Variants in GRID2 observed in about 807,000 individuals in gnomAD.
The protein encoded by GRID2 is glutamate receptor ionotropic, delta-2.
In GRID2, 33 loss-of-function variants were observed where a neutral mutation model predicts 114.8. That is an observed-to-expected ratio of 0.29 (90% CI 0.22 to 0.38). The LOEUF is 0.38. GRID2 is among the 10% of genes least tolerant of loss of function. GRID2 has a pLI of 1.00. For missense variants in GRID2, 1,184 were observed against 1,257.7 expected (o/e 0.94, Z 0.89); for synonymous variants, 505 against 449.9 (o/e 1.12, Z -1.55).
At chr4:92,428,581 T>C (rs1472719712) in intron 1 of GRID2, among the ~76,000 whole-genome samples, 3 of 152,124 alleles carry the variant, frequency 2.0e-5, no homozygotes, top group African/African-American at 7.2e-5. Context: ...TTCTTTTTAT[T>C]GAACATTTTG....
At chr4:92,921,811 G>A (rs1418545423) in intron 2 of GRID2, among the ~76,000 whole-genome samples, 1 of 152,212 alleles carries the variant, frequency 6.6e-6, no homozygotes, top group African/African-American at 2.4e-5. Context: ...CACTTGAGGA[G>A]GCAGTCTGTC....
chr4:92,846,131 T>A (rs544271443), intron 2 of GRID2, among the ~76,000 whole-genome samples: 1 of 152,248 alleles, frequency 6.6e-6, no homozygotes, highest in East Asian at 1.9e-4. Flanking sequence ...TTCCCTGGGA[T>A]GATGTGTCTA....
chr4:92,569,083 G>A (rs113238713), intron 1 of GRID2, among the ~76,000 whole-genome samples: 4,284 of 151,862 alleles, frequency 0.028, 181 homozygotes, highest in African/African-American at 0.089. Flanking sequence ...CAGGTGTTAA[G>A]CCAACATCCA....
chr4:93,030,371 C>A (rs1230809034), intron 2 of GRID2, among the ~76,000 whole-genome samples: 1 of 151,208 alleles, frequency 6.6e-6, no homozygotes. Context: ...GGTTGATGCT[C>A]GTAGAGCTGC....
At chr4:93,312,929 A>T (rs1368247653) in intron 8 of GRID2, among the ~76,000 whole-genome samples, 1 of 152,208 alleles carries the variant, frequency 6.6e-6, no homozygotes, top group Admixed American at 6.5e-5. Flanking sequence ...TATGCCAAAG[A>T]CAAATGCTCA....
chr4:93,415,190 T>A (rs1767583342), intron 9 of GRID2, among the ~76,000 whole-genome samples: 1 of 152,226 alleles, frequency 6.6e-6, no homozygotes, highest in Middle Eastern at 3.4e-3. Context: ...CTTCTCTCAT[T>A]TGGTACAGCC....
At chr4:92,868,650 T>C (rs1745069299) in intron 2 of GRID2, among the ~76,000 whole-genome samples, 1 of 152,120 alleles carries the variant, frequency 6.6e-6, no homozygotes, top group Non-Finnish European at 1.5e-5. Flanking sequence ...TTATGTCTTT[T>C]GATAAATTGT....
chr4:92,510,543 G>A (rs1209304297), intron 1 of GRID2, among the ~76,000 whole-genome samples: 1 of 151,798 alleles, frequency 6.6e-6, no homozygotes, highest in Non-Finnish European at 1.5e-5. Flanking sequence ...CTCTAGGGAA[G>A]TTCAAAGTTA....
chr4:92,834,936 G>A (rs75605534), intron 2 of GRID2, among the ~76,000 whole-genome samples: 6,033 of 152,060 alleles, frequency 0.04, 181 homozygotes, highest in East Asian at 0.12. Flanking sequence ...CTGTTACTTC[G>A]CCTTGGAAAT....
At chr4:92,367,692 T>C (rs577947213) in intron 1 of GRID2, among the ~76,000 whole-genome samples, 1 of 152,146 alleles carries the variant, frequency 6.6e-6, no homozygotes, top group African/African-American at 2.4e-5. Flanking sequence ...AAGTTGGAAG[T>C]CATTTAAAGA....
At chr4:92,965,409 T>C (rs1194787010) in intron 2 of GRID2, among the ~76,000 whole-genome samples, 1 of 118,280 alleles carries the variant, frequency 8.5e-6, no homozygotes, top group Non-Finnish European at 1.7e-5. Context: ...ATTGTGCAAA[T>C]AGACTTGTTT....
intron 1 of GRID2, among the ~76,000 whole-genome samples, chr4:92,510,760 G>T (rs1057003466): frequency 1.3e-5 from 2 of 151,248 alleles, no homozygotes; most frequent in East Asian, 3.9e-4. Context: ...TGAGGTAATG[G>T]ATACCCGGAT....
intron 2 of GRID2, among the ~76,000 whole-genome samples, chr4:92,758,162 T>C (rs1213760831): frequency 6.6e-6 from 1 of 152,110 alleles, no homozygotes; most frequent in East Asian, 1.9e-4. Flanking sequence ...GTCTGTTCTC[T>C]TTTGCTTGTT....
chr4:92,686,104 TC>T (rs547532592), intron 2 of GRID2, among the ~76,000 whole-genome samples: 53 of 152,020 alleles, frequency 3.5e-4, no homozygotes, highest in Non-Finnish European at 7.4e-4. Context: ...CTTGATGAAG[TC>T]CCTTCATTCA....
chr4:92,674,554 G>T (rs913650527), intron 2 of GRID2, among the ~76,000 whole-genome samples: 25 of 151,984 alleles, frequency 1.6e-4, no homozygotes, highest in African/African-American at 5.8e-4. Flanking sequence ...ATGGAGTCTT[G>T]CTCTGTTGCC....
chr4:92,780,273 T>C (rs1739007995), intron 2 of GRID2, among the ~76,000 whole-genome samples: 1 of 152,166 alleles, frequency 6.6e-6, no homozygotes, highest in African/African-American at 2.4e-5. Context: ...TGTTGAGTTG[T>C]TTTGTTTTTA....
At chr4:93,223,551 G>A (rs1361346036) in intron 6 of GRID2, among the ~76,000 whole-genome samples, 4 of 152,038 alleles carry the variant, frequency 2.6e-5, no homozygotes, top group Admixed American at 6.6e-5. Flanking sequence ...ATTATAACCC[G>A]AGGACAATCC....
chr4:92,658,812 TATATATACAC>T (rs755598552), intron 2 of GRID2, among the ~76,000 whole-genome samples: 1 of 127,478 alleles, frequency 7.8e-6, no homozygotes, highest in Non-Finnish European at 1.7e-5. Context: ...TATATATATA[TATATATACAC>T]ACACACAATC....
intron 3 of GRID2, among the ~76,000 whole-genome samples, chr4:93,102,160 C>T (rs937947363): frequency 3.9e-5 from 6 of 152,150 alleles, no homozygotes; most frequent in African/African-American, 1.2e-4. Flanking sequence ...GGAACAGCTG[C>T]CTTGCCTCTG....
Sources: allele counts gnomAD v4.1 joint callset (sites outside exome capture counted in the v4.1 genomes callset), GRCh38; gene constraint gnomAD v4.1.1; transcripts MANE v1.5; gene names NCBI Gene and HGNC (gene_info 2026-07-23, HGNC 2026-07-21).